Variants in IL31RA observed in about 807,000 individuals in gnomAD.
IL31RA encodes interleukin-31 receptor subunit alpha.
IL31RA carries 66 observed loss-of-function variants against 83.7 expected under a neutral mutation model. The observed-to-expected ratio is 0.79, with a 90% CI of 0.65 to 0.97. IL31RA has a LOEUF of 0.97. Ranked by LOEUF, IL31RA falls within the 50% of genes least tolerant of loss-of-function variation. The pLI is 0.00. For missense variants in IL31RA, 798 were observed against 919.4 expected (o/e 0.87, Z 1.71); for synonymous variants, 325 against 329.0 (o/e 0.99, Z 0.13).
At position 55,867,112 on chromosome 5, in the gene IL31RA, CAT is replaced by C. The variant is rs774817369; in HGVS notation, c.155-1678_155-1677del. Among the ~76,000 whole-genome samples, 44 of 104,166 alleles carry C rather than the reference CAT, an allele frequency of 4.2e-4. 1 individual carries two copies. Among genetic ancestry groups the C allele is most frequent in the Middle Eastern group, 8.1e-3 (1 of 124 alleles). 68.3% of individuals were successfully genotyped at this position (104,166 alleles called of 152,430 possible). On this transcript the variant is annotated intron_variant, in intron 2 of 14. Transcript: ENST00000652347. ...GTGTGTGTGTGTTTGTGTGTGTGTGCATGTGTGTGTTTGTGTGTGTGTGCATG... is the reference window on the plus strand; with the variant it reads ...GTGTGTGTGTGTTTGTGTGTGTGTGCGTGTGTGTTTGTGTGTGTGTGCATG...
intron 2 of IL31RA, among the ~76,000 whole-genome samples, chr5:55,862,330 C>T (rs1213533997): frequency 6.6e-6 from 1 of 152,226 alleles, no homozygotes; most frequent in East Asian, 1.9e-4. Flanking sequence ...GATTTTGGCA[C>T]ATTACTATTG....
At chr5:55,875,673 A>AC (rs1746804901) in intron 4 of IL31RA, among the ~76,000 whole-genome samples, 1 of 152,226 alleles carries the variant, frequency 6.6e-6, no homozygotes, top group Non-Finnish European at 1.5e-5. Context: ...CTTTCTTAAA[A>AC]TAAATGTATT....
intron 2 of IL31RA, among the ~76,000 whole-genome samples, chr5:55,867,304 C>CCTGT (rs71602920): frequency 3.4e-5 from 4 of 118,190 alleles, no homozygotes; most frequent in Non-Finnish European, 5.0e-5. Context: ...TGTGTGTGTG[C>CCTGT]GTGTGTGTGT....
intron 14 of IL31RA, among the ~76,000 whole-genome samples, 178 bp from the exon 15 acceptor site, chr5:55,916,466 C>A (rs967299769): frequency 6.6e-6 from 1 of 152,098 alleles, no homozygotes; most frequent in Non-Finnish European, 1.5e-5. Flanking sequence ...AAATGTGCCA[C>A]TCCTTCCAAG....
At chr5:55,904,155 C>T (rs562759531) in intron 8 of IL31RA, among the ~76,000 whole-genome samples, 11 of 152,322 alleles carry the variant, frequency 7.2e-5, no homozygotes, top group African/African-American at 2.4e-4. Context: ...AATACAGTCA[C>T]ATTGTGTGGC....
chr5:55,917,794 G>T lies in IL31RA; in HGVS notation c.*674G>T, dbSNP rs1336157371. 6.6e-6 allele frequency among the ~76,000 whole-genome samples: 1 copy of T among 152,198 alleles called. No homozygotes were observed. Among genetic ancestry groups the T allele is most frequent in the Non-Finnish European group, 1.5e-5 (1 of 68,030 alleles). On this transcript the variant is annotated 3_prime_UTR_variant, in exon 15 of 15. Transcript: ENST00000652347. The stretch of plus-strand genomic sequence containing the variant: ...AAATCAAGGAATGGGGAGGGCCCTG[G>T]GGAATGTATGCTGCCGGGCGCAGCT...
intron 4 of IL31RA, among the ~76,000 whole-genome samples, chr5:55,877,531 T>G (rs1746933321): frequency 6.6e-6 from 1 of 152,246 alleles, no homozygotes; most frequent in Non-Finnish European, 1.5e-5. Context: ...GCAGGCCTAT[T>G]GGTAATGAAC....
intron 5 of IL31RA, among the ~76,000 whole-genome samples, chr5:55,889,479 C>T (rs927309194): frequency 2.6e-5 from 4 of 152,172 alleles, no homozygotes; most frequent in Admixed American, 2.0e-4. Context: ...GTGTTCTGAT[C>T]CTATTCTGTA....
At chr5:55,857,260 G>A (rs914265616) in intron 1 of IL31RA, among the ~76,000 whole-genome samples, 20 of 151,948 alleles carry the variant, frequency 1.3e-4, no homozygotes, top group Admixed American at 3.9e-4. Flanking sequence ...CACCATACCC[G>A]GCTGATTTTA....
At chr5:55,867,289 GCATGTGTGTGTGTGC>G (rs1561543746) in intron 2 of IL31RA, among the ~76,000 whole-genome samples, 7,994 of 105,858 alleles carry the variant, frequency 0.076, 523 homozygotes, top group African/African-American at 0.19. Flanking sequence ...ATGTGTGTGT[GCATGTGTGTGTGTGC>G]GTGTGTGTGT....
rs1748957431 is a variant in IL31RA, at chr5:55,903,603, A to G, written c.1070-2503A>G. Among the ~76,000 whole-genome samples, 1 of 152,156 alleles carries G rather than the reference A, an allele frequency of 6.6e-6. No homozygotes were observed. The highest frequency in any genetic ancestry group is 1.5e-5 in the Non-Finnish European group (1 of 68,012). The stretch of plus-strand genomic sequence containing the variant: ...CCCCTGTGGTCTCCGCAGTCTCTGC[A>G]GTGCACTTGGCGCTTTAGACCCGGA... On this transcript the variant is annotated intron_variant, in intron 8 of 14. Coordinates refer to ENST00000652347, the MANE Select transcript of IL31RA (RefSeq NM_139017.7). This position sits in a 1 kb window ranked among gnomAD's most constrained non-coding sequence, Gnocchi z 4.7.
At chr5:55,879,424 C>CTTT (rs1747053564) in intron 4 of IL31RA, among the ~76,000 whole-genome samples, 1 of 31,900 alleles carries the variant, frequency 3.1e-5, no homozygotes, top group Non-Finnish European at 5.7e-5. Context: ...CAGTTTCTGT[C>CTTT]CTTTTTTTTT....
intron 4 of IL31RA, among the ~76,000 whole-genome samples, chr5:55,878,818 T>A (rs1046674944): frequency 1.3e-5 from 2 of 152,074 alleles, no homozygotes; most frequent in Non-Finnish European, 2.9e-5. Flanking sequence ...ACCTGGCTAC[T>A]TTTTATATTT....
At chr5:55,851,101 A>C (rs78037165), upstream of IL31RA, among the ~76,000 whole-genome samples, 1 of 147,284 alleles carries the variant, frequency 6.8e-6, no homozygotes, top group African/African-American at 2.5e-5. Flanking sequence ...GTCTCAGAAG[A>C]AAAAAAAAAA....
At chr5:55,847,694 T>C (rs572846399), upstream of IL31RA, among the ~76,000 whole-genome samples, 2 of 152,352 alleles carry the variant, frequency 1.3e-5, no homozygotes, top group East Asian at 3.9e-4. Context: ...AAAAACCAGA[T>C]CATGAATGGT....
intron 5 of IL31RA, among the ~76,000 whole-genome samples, chr5:55,889,186 AC>A (rs200903291): frequency 0.013 from 2,000 of 152,348 alleles, 17 homozygotes; most frequent in Non-Finnish European, 0.023. Flanking sequence ...TATTGCAGCA[AC>A]AATGACTGTG....
chr5:55,906,949 T>C (rs1749194177), intron 9 of IL31RA, among the ~76,000 whole-genome samples: 1 of 152,024 alleles, frequency 6.6e-6, no homozygotes, highest in Non-Finnish European at 1.5e-5. Context: ...ACATCCATAT[T>C]AAGAATAATA....
intron 7 of IL31RA, among the ~76,000 whole-genome samples, chr5:55,897,389 T>C (rs893389358): frequency 2.2e-4 from 33 of 151,796 alleles, no homozygotes; most frequent in African/African-American, 7.7e-4. Flanking sequence ...GGGTAGAAAG[T>C]GAAAGTGCAG....
chr5:55,868,758 GTGTT>G (rs766247872), intron 2 of IL31RA, 29 bp from the exon 3 acceptor site: 1 of 1,142,232 alleles, frequency 8.8e-7, no homozygotes, highest in Admixed American at 1.7e-5. Context: ...TGAAATTTTT[GTGTT>G]TGTGTGTGTG....
Sources: allele counts gnomAD v4.1 joint callset (sites outside exome capture counted in the v4.1 genomes callset), GRCh38; gene constraint gnomAD v4.1.1; non-coding constraint Gnocchi (gnomAD v3.1); transcripts MANE v1.5; gene names NCBI Gene and HGNC (gene_info 2026-07-23, HGNC 2026-07-21).